The following RRP12 variants were observed in gnomAD, a reference collection of about 807,000 sequenced individuals.
RRP12 encodes ribosomal RNA processing 12 homolog.
In RRP12, 78 loss-of-function variants were observed where a neutral mutation model predicts 157.3. The ratio of observed to expected loss-of-function variants is 0.50; its 90% CI spans 0.41 to 0.60. RRP12 has a LOEUF of 0.60. RRP12 is among the 20% of genes least tolerant of loss of function. The pLI is 0.00. For missense variants in RRP12, 1,521 were observed against 1,679.9 expected (o/e 0.91, Z 1.65); for synonymous variants, 726 against 670.9 (o/e 1.08, Z -1.27).
chr10:97,376,302 C>T (rs1209784302), intron 15 of RRP12, among the ~76,000 whole-genome samples: 3 of 144,478 alleles, frequency 2.1e-5, no homozygotes, highest in Non-Finnish European at 4.5e-5. Context: ...GCAACCTCTG[C>T]TTCCTGGGTG....
At chr10:97,375,740 G>A in intron 15 of RRP12, among the ~76,000 whole-genome samples, 1 of 152,146 alleles carries the variant, frequency 6.6e-6, no homozygotes. Flanking sequence ...TTAATATCAG[G>A]AAAAACTTTA....
At chr10:97,398,020 TATGTATATATATATACG>T (rs1173343817) in intron 2 of RRP12, among the ~76,000 whole-genome samples, 2 of 72,980 alleles carry the variant, frequency 2.7e-5, no homozygotes, top group African/African-American at 9.3e-5. Context: ...TATATATATA[TATGTATATATATATACG>T]TATTTTTTTT....
At chr10:97,389,086 C>T (rs1844723018) in intron 6 of RRP12, among the ~76,000 whole-genome samples, 1 of 152,102 alleles carries the variant, frequency 6.6e-6, no homozygotes, top group South Asian at 2.1e-4. Context: ...CAAGCAGGGG[C>T]TGCTACTTTT....
intron 18 of RRP12, 59 bp from the exon 19 acceptor site, chr10:97,372,862 G>A (rs1844197014): frequency 4.7e-6 from 7 of 1,504,292 alleles, no homozygotes; most frequent in Middle Eastern, 3.7e-4. Flanking sequence ...AAAGAAAGCA[G>A]CAATGGCAGC....
At position 97,370,203 on chromosome 10, in the gene RRP12, T is replaced by C; in HGVS notation, c.2761A>G (p.Ile921Val). The C allele has an allele frequency of 6.2e-7, 1 of 1,607,030 alleles. No individual in the cohort carries two copies. The highest frequency in any genetic ancestry group is 8.5e-7 in the Non-Finnish European group (1 of 1,177,286). ...AAAAGGAGGTGGGTCAGGGCCAGGATGCTGCAGCTGACCATGGTCACCGCG... is the reference window on the plus strand; with the variant it reads ...AAAAGGAGGTGGGTCAGGGCCAGGACGCTGCAGCTGACCATGGTCACCGCG... Reference protein sequence around the residue: ...VGAVTMVSCSILALTHLLFEF... With the variant: ...VGAVTMVSCSVLALTHLLFEF... Residue 921 changes from isoleucine to valine, a missense_variant, in exon 24 of 34, where the codon ATC becomes GTC. Ile to Val is a conservative substitution (Grantham distance 29). Coordinates refer to ENST00000370992, the MANE Select transcript of RRP12 (RefSeq NM_015179.4).
Position 97,357,089 on chromosome 10 carries a change from G to T in RRP12, c.*5C>A. 1 of 1,597,104 alleles carries T rather than the reference G, an allele frequency of 6.3e-7. No homozygotes were observed. On this transcript the variant is annotated 3_prime_UTR_variant, in exon 34 of 34. Transcript: ENST00000370992. ...GACCACAGGGCAGCCCAGGGGCCCTGGGCCTCAGGGTCGACGATCCTTTCT... is the reference window on the plus strand; with the variant it reads ...GACCACAGGGCAGCCCAGGGGCCCTTGGCCTCAGGGTCGACGATCCTTTCT...
rs774872083 is a variant in RRP12, at chr10:97,401,128, T to C, written c.104A>G (p.Gln35Arg). The stretch of plus-strand genomic sequence containing the variant: ...GCTGAAGAAGCGGCTGCGGGCGGCC[T>C]GACGGTGGCGGCAGATGGCGGGGTT... Reference protein sequence around the residue: ...DSNPAICRHRQAARSRFFSRP... With the variant: ...DSNPAICRHRRAARSRFFSRP... The change falls in exon 1 of 34, where the codon CAG becomes CGG. Residue 35 changes from glutamine to arginine, a missense_variant. By Grantham distance (43) the Gln-to-Arg change is conservative. Transcript: ENST00000370992. The C allele has an allele frequency of 6.2e-7, 1 of 1,613,940 alleles. No homozygotes were observed. The highest frequency in any genetic ancestry group is 2.2e-5 in the East Asian group (1 of 44,874).
intron 15 of RRP12, among the ~76,000 whole-genome samples, chr10:97,377,624 C>T (rs899374499): frequency 2.8e-4 from 42 of 149,366 alleles, no homozygotes; most frequent in South Asian, 2.1e-4. Context: ...GCAGGTGGAC[C>T]GCCTGAGGTC....
Position 97,356,922 on chromosome 10 carries a change from A to AT in RRP12, c.*171dup. ...GCACCAGGGATGTCTCTGAAGGGTG[A>AT]TTCCATTTGGAGTTTCCAAAATCCA... On this transcript the variant is annotated 3_prime_UTR_variant, in exon 34 of 34. Coordinates refer to ENST00000370992, the MANE Select transcript of RRP12 (RefSeq NM_015179.4). 1.8e-6 allele frequency: 1 copy of AT among 549,494 alleles called. No homozygotes were observed. The highest frequency in any genetic ancestry group is 2.3e-5 in the South Asian group (1 of 42,696). 34.0% of individuals were successfully genotyped at this position (549,494 alleles called of 1,614,324 possible).
rs561118128 is a variant in RRP12 at position 97,394,837 on chromosome 10, A to T, written c.454-1077T>A. Among the ~76,000 whole-genome samples the T allele has an allele frequency of 3.5e-4, 54 of 152,272 alleles. 1 individual carries two copies. The South Asian group carries it at 0.011, about 30-fold the overall frequency. On this transcript the variant is annotated intron_variant, in intron 3 of 33. Coordinates refer to ENST00000370992, the MANE Select transcript of RRP12 (RefSeq NM_015179.4). Reference sequence around the variant, plus strand: ...ATGTTCTTTTTGTGTGTGTTTTAACAATTCTTTAAAAATGTAATAACCAGG... The same window carrying T: ...ATGTTCTTTTTGTGTGTGTTTTAACTATTCTTTAAAAATGTAATAACCAGG...
intron 21 of RRP12, 41 bp from the exon 22 acceptor site, chr10:97,370,837 C>T (rs1589418832): frequency 2.5e-6 from 4 of 1,610,260 alleles, no homozygotes; most frequent in South Asian, 2.2e-5. Context: ...CTCAATGCTA[C>T]CTCCACCCAA....
chr10:97,392,376 G>A (rs1395958833), intron 4 of RRP12, among the ~76,000 whole-genome samples: 1 of 152,140 alleles, frequency 6.6e-6, no homozygotes. Context: ...TTGAGATGGA[G>A]TCTCACTCTG....
intron 27 of RRP12, 47 bp from the exon 28 acceptor site, chr10:97,366,668 G>GT (rs777788282): frequency 6.3e-7 from 1 of 1,599,124 alleles, no homozygotes; most frequent in Non-Finnish European, 8.5e-7. Flanking sequence ...GAGAGGCGGG[G>GT]GTCAGCGGGT....
chr10:97,378,431 G>A (rs1271932443), intron 15 of RRP12, among the ~76,000 whole-genome samples: 1 of 152,174 alleles, frequency 6.6e-6, no homozygotes, highest in Non-Finnish European at 1.5e-5. Flanking sequence ...TGCTAAGTAT[G>A]TGTATATCTA....
intron 2 of RRP12, among the ~76,000 whole-genome samples, chr10:97,397,259 C>T (rs1333843601): frequency 6.6e-6 from 1 of 152,056 alleles, no homozygotes; most frequent in Non-Finnish European, 1.5e-5. Flanking sequence ...CTCCCGGGTT[C>T]AAGCGATTCT....
At chr10:97,363,955 T>C (rs1404977797) in intron 29 of RRP12, 52 bp from the exon 30 acceptor site, 4 of 1,537,246 alleles carry the variant, frequency 2.6e-6, no homozygotes, top group Admixed American at 3.3e-5. Context: ...CCTCAAAACC[T>C]ACCCTTTCCT....
chr10:97,369,378 G>A, intron 25 of RRP12, 47 bp downstream of exon 25: 1 of 1,593,120 alleles, frequency 6.3e-7, no homozygotes, highest in African/African-American at 1.3e-5. Flanking sequence ...CATGCCAACA[G>A]CTCAGAGGCC....
At chr10:97,399,710 A>C (rs866135919) in intron 2 of RRP12, among the ~76,000 whole-genome samples, 4 of 151,564 alleles carry the variant, frequency 2.6e-5, no homozygotes, top group East Asian at 1.9e-4. Flanking sequence ...CACACACACA[A>C]AAAATTAGCT....
chr10:97,394,277 A>T (rs532759049), intron 3 of RRP12, among the ~76,000 whole-genome samples: 1 of 152,314 alleles, frequency 6.6e-6, no homozygotes, highest in South Asian at 2.1e-4. Context: ...CAGGAGGCAG[A>T]GCTTGCAATG....
Sources: allele counts gnomAD v4.1 joint callset (sites outside exome capture counted in the v4.1 genomes callset), GRCh38; gene constraint gnomAD v4.1.1; transcripts MANE v1.5; gene names NCBI Gene and HGNC (gene_info 2026-07-23, HGNC 2026-07-21).